Variants in CYFIP1 observed in about 807,000 individuals in gnomAD.
The protein encoded by CYFIP1 is cytoplasmic FMR1-interacting protein 1.
A neutral mutation model predicts 163.5 loss-of-function variants in CYFIP1; 58 were observed. That is an observed-to-expected ratio of 0.35 (90% CI 0.29 to 0.44). The LOEUF (loss-of-function observed/expected upper bound fraction) is 0.44, where lower values mean the gene tolerates loss of function less well. Among genes scored for constraint, CYFIP1 ranks in the 20% least tolerant of loss-of-function variants. The pLI is 1.00. For missense variants in CYFIP1, 1,338 were observed against 1,653.8 expected (o/e 0.81, Z 3.31); for synonymous variants, 663 against 660.7 (o/e 1.00, Z -0.05).
At chr15:22,964,353 T>TCACACACACACACACACA (rs71117466) in intron 1 of CYFIP1, among the ~76,000 whole-genome samples, 9 of 78,696 alleles carry the variant, frequency 1.1e-4, no homozygotes, top group East Asian at 3.9e-4. Flanking sequence ...ACCTCATCAC[T>TCACACACACACACACACA]CACACACACA....
chr15:22,953,499 T>C (rs534045318), intron 1 of CYFIP1, among the ~76,000 whole-genome samples: 1 of 152,120 alleles, frequency 6.6e-6, no homozygotes, highest in East Asian at 1.9e-4. Flanking sequence ...ACAGGGATTT[T>C]CCCCCAGCAC....
chr15:22,894,360 G>A (rs981928044), intron 22 of CYFIP1, among the ~76,000 whole-genome samples: 1 of 139,834 alleles, frequency 7.2e-6, no homozygotes, highest in Admixed American at 8.1e-5. Context: ...TGTGATCTTG[G>A]CTCACCACAA....
intron 23 of CYFIP1, among the ~76,000 whole-genome samples, chr15:22,889,715 G>A (rs988393342): frequency 2.6e-5 from 4 of 151,938 alleles, no homozygotes; most frequent in South Asian, 4.2e-4. Context: ...TGCCCTCTGC[G>A]CACAAATGCC....
chr15:22,962,928 T>G (rs575198079), intron 1 of CYFIP1, among the ~76,000 whole-genome samples: 4 of 152,260 alleles, frequency 2.6e-5, no homozygotes, highest in African/African-American at 9.6e-5. Flanking sequence ...TCAGAACCAA[T>G]GCCATTTGCA....
In CYFIP1 at chr15:22,867,383, T is replaced by TACAAA. The variant is rs2059175229; in HGVS notation, c.*2640_*2644dup. The TACAAA allele has an allele frequency of 5.1e-6, 2 of 389,564 alleles. No individual in the cohort carries two copies. The highest frequency in any genetic ancestry group is 9.0e-6 in the Non-Finnish European group (2 of 221,204). The allele number at this position is 389,564 out of a possible 1,614,324, so 24.1% of individuals were successfully genotyped here. A position where few individuals can be genotyped will look rare whatever the true frequency, so the allele number is the denominator to read the frequency against. ...TTACTGAATGAAGGAACCTCTTTCT[T>TACAAA]ACAAAACAAAAAAAAGGGCAGAAAT... On this transcript the variant is annotated 3_prime_UTR_variant, in exon 31 of 31. Coordinates refer to ENST00000617928, the MANE Select transcript of CYFIP1 (RefSeq NM_014608.6).
At chr15:22,939,076 T>G in intron 8 of CYFIP1, 116 bp downstream of exon 8, 1 of 1,324,832 alleles carries the variant, frequency 7.5e-7, no homozygotes, top group South Asian at 1.3e-5. Flanking sequence ...TGTTCACACA[T>G]GACAGCATGC....
rs796746285 is a variant in CYFIP1 at position 22,869,721 on chromosome 15, GGAAT to G, written c.*303_*306del. On this transcript the variant is annotated 3_prime_UTR_variant, in exon 31 of 31. Transcript: ENST00000617928. ...CATTTGCTGGTATTAAGTTTCTTATGGAATGAATGAATGAACCCAGCAGCATTTT... is the reference window on the plus strand; with the variant it reads ...CATTTGCTGGTATTAAGTTTCTTATGGAATGAATGAACCCAGCAGCATTTT... 154 of 228,036 alleles carry G rather than the reference GGAAT, an allele frequency of 6.8e-4. No homozygotes were observed. Among genetic ancestry groups the G allele is most frequent in the African/African-American group, 3.0e-3 (133 of 44,188 alleles). The allele number at this position is 228,036 out of a possible 1,614,324, so 14.1% of individuals were successfully genotyped here. A position where few individuals can be genotyped will look rare whatever the true frequency, so the allele number is the denominator to read the frequency against.
At chr15:22,936,131 G>A (rs2061703924) in intron 9 of CYFIP1, among the ~76,000 whole-genome samples, 1 of 152,110 alleles carries the variant, frequency 6.6e-6, no homozygotes, top group African/African-American at 2.4e-5. Flanking sequence ...AACTAGCCAA[G>A]CATGATGGTA....
At chr15:22,980,484 C>G (rs570133646), upstream of CYFIP1, 3 of 152,366 alleles carry the variant, frequency 2.0e-5, no homozygotes, top group East Asian at 5.8e-4. Context: ...CTCCCTCCTC[C>G]TGGCGGGGCA....
In CYFIP1 at chr15:22,868,557, A is replaced by G. The variant is rs1001273607; in HGVS notation, c.*1471T>C. 1 of 141,448 alleles carries G rather than the reference A, an allele frequency of 7.1e-6. No individual in the cohort carries two copies. Among genetic ancestry groups the G allele is most frequent in the Non-Finnish European group, 1.5e-5 (1 of 64,926 alleles). The allele number at this position is 141,448 out of a possible 1,614,324, so 8.8% of individuals were successfully genotyped here. On this transcript the variant is annotated 3_prime_UTR_variant, in exon 31 of 31. Transcript: ENST00000617928. ...AAATCTGCAGCAGAATGCTGGCCCC[A>G]GGGTTATTAATTCACATTACCAAAA...
chr15:22,947,454 T>G, intron 1 of CYFIP1, 163 bp from the exon 2 acceptor site: 1 of 946,514 alleles, frequency 1.1e-6, no homozygotes, highest in Non-Finnish European at 1.5e-6. Flanking sequence ...CGTGTCTCTC[T>G]CAGGGCACGT....
rs547901219 is a variant in CYFIP1 at position 22,887,549 on chromosome 15, G to A, written c.2677-4538C>T. Among the ~76,000 whole-genome samples, 54 of 152,212 alleles carry A rather than the reference G, an allele frequency of 3.5e-4. 3 individuals are homozygous for A. In the South Asian group the frequency reaches 9.5e-3, roughly 27 times the overall value. On this transcript the variant is annotated intron_variant, in intron 23 of 30. Coordinates refer to ENST00000617928, the MANE Select transcript of CYFIP1 (RefSeq NM_014608.6). ...AGTGAGAGAATTCATTCTCAGACCC[G>A]CCCTGACTGGCTCAGGATGACAGCT...
Position 22,872,845 on chromosome 15 carries a change from C to T in CYFIP1, c.3577G>A (p.Asp1193Asn), listed in dbSNP as rs1385572354. The change falls in exon 30 of 31, where the codon GAT (aspartate) becomes AAT (asparagine). Residue 1193 changes from aspartate to asparagine, a missense_variant. Asp to Asn is a conservative substitution (Grantham distance 23). Coordinates refer to ENST00000617928, the MANE Select transcript of CYFIP1 (RefSeq NM_014608.6). ...LLKVQKHDGKDEIIKNVPLKK... is the reference protein window; with the variant it reads ...LLKVQKHDGKNEIIKNVPLKK... ...CATACCACATTTTTAATAATCTCAT[C>T]TTTGCCATCATGTTTCTGGACTTTA... 1 of 1,614,070 alleles carries T rather than the reference C, an allele frequency of 6.2e-7. No homozygotes were observed. Among genetic ancestry groups the T allele is most frequent in the Non-Finnish European group, 8.5e-7 (1 of 1,179,962 alleles).
At chr15:22,914,914 C>T (rs1566965477) in intron 16 of CYFIP1, 32 bp from the exon 17 acceptor site, 1 of 1,576,726 alleles carries the variant, frequency 6.3e-7, no homozygotes, top group East Asian at 2.3e-5. Flanking sequence ...CATGTTATCT[C>T]CCGCAAGCAA....
chr15:22,903,792 C>T lies in CYFIP1; in HGVS notation c.2502G>A (p.Ala834=), dbSNP rs370243566. 1.4e-4 allele frequency: 222 copies of T among 1,614,212 alleles called. 3 individuals carry two copies. Among genetic ancestry groups the T allele is most frequent in the South Asian group, 1.0e-3 (94 of 91,092 alleles). The change falls in exon 22 of 31, where the codon GCG becomes GCA. Residue 834 remains alanine, a synonymous_variant. Coordinates refer to ENST00000617928, the MANE Select transcript of CYFIP1 (RefSeq NM_014608.6). ...CGTGCAGGGTGATCCTCCCGTAGGGCGCTGACACGTTGTGGTTGGCCTCCC... is the reference window on the plus strand; with the variant it reads ...CGTGCAGGGTGATCCTCCCGTAGGGTGCTGACACGTTGTGGTTGGCCTCCC... ...MFREANHNVS[A]PYGRITLHVF...
At chr15:22,908,308 G>A (rs985347261) in intron 21 of CYFIP1, among the ~76,000 whole-genome samples, 12 of 151,982 alleles carry the variant, frequency 7.9e-5, no homozygotes, top group Middle Eastern at 3.2e-3. Context: ...TGAGACAGCC[G>A]AAAAATGGGT....
chr15:22,940,560 G>C (rs2061863635), intron 6 of CYFIP1, among the ~76,000 whole-genome samples: 1 of 152,194 alleles, frequency 6.6e-6, no homozygotes, highest in Non-Finnish European at 1.5e-5. Context: ...CGGAGCCGCA[G>C]GACCACAGGA....
At chr15:22,874,420 C>A in intron 28 of CYFIP1, 130 bp downstream of exon 28, 1 of 608,632 alleles carries the variant, frequency 1.6e-6, no homozygotes, top group East Asian at 3.1e-5. Flanking sequence ...CCACTTGCAA[C>A]ACTTGAGGCC....
At chr15:22,936,767 T>G (rs1280109690) in intron 9 of CYFIP1, among the ~76,000 whole-genome samples, 1 of 152,160 alleles carries the variant, frequency 6.6e-6, no homozygotes, top group Admixed American at 6.5e-5. Context: ...AGTCATCAGA[T>G]AGAAAACTAC....
Sources: gnomAD v4.1 joint callset for allele counts (sites outside exome capture counted in the v4.1 genomes callset) on GRCh38, gnomAD v4.1.1 for gene constraint, MANE v1.5 for transcripts, NCBI Gene and HGNC (gene_info 2026-07-23, HGNC 2026-07-21) for gene names.